Variants in DLG2 observed in about 807,000 individuals in gnomAD.
DLG2 encodes the protein discs large MAGUK scaffold protein 2.
Under a neutral mutation model 132.5 loss-of-function variants are expected in DLG2, and 45 were observed. The observed-to-expected ratio is 0.34, with a 90% confidence interval of 0.27 to 0.44. The LOEUF is 0.44. Among genes scored for constraint, DLG2 ranks in the 20% least tolerant of loss-of-function variants. The pLI is 1.00. For synonymous variants in DLG2, 424 were observed against 419.6 expected (o/e 1.01, Z -0.13); for missense variants, 1,045 against 1,196.9 (o/e 0.87, Z 1.87).
At chr11:83,527,526 CAG>C (rs768604203) in intron 21 of DLG2, among the ~76,000 whole-genome samples, 2 of 151,650 alleles carry the variant, frequency 1.3e-5, no homozygotes, top group African/African-American at 2.4e-5. Flanking sequence ...GCCTGGGCAA[CAG>C]AGAGAGACCT....
chr11:83,850,828 T>A (rs558565752), intron 16 of DLG2, among the ~76,000 whole-genome samples: 1 of 152,276 alleles, frequency 6.6e-6, no homozygotes, highest in African/African-American at 2.4e-5. Flanking sequence ...GAGCTCTCTG[T>A]CCCTGAAAAG....
At chr11:84,459,083 C>CT (rs199607573) in intron 7 of DLG2, among the ~76,000 whole-genome samples, 20 of 149,744 alleles carry the variant, frequency 1.3e-4, no homozygotes, top group East Asian at 9.8e-4. Context: ...CTTAACTACT[C>CT]TTTTTTTTTG....
chr11:85,116,934 A>G (rs2073682085), intron 5 of DLG2, among the ~76,000 whole-genome samples: 1 of 152,038 alleles, frequency 6.6e-6, no homozygotes, highest in South Asian at 2.1e-4. Flanking sequence ...AGCAAAAGAA[A>G]CTTCAATGGG....
chr11:85,299,337 A>G (rs1196172162), intron 3 of DLG2, among the ~76,000 whole-genome samples: 2 of 152,134 alleles, frequency 1.3e-5, no homozygotes, highest in Admixed American at 6.5e-5. Context: ...CTGACTCTTT[A>G]TGTCTGGAGT....
At chr11:83,516,270 C>A (rs370985053) in intron 21 of DLG2, among the ~76,000 whole-genome samples, 8 of 152,082 alleles carry the variant, frequency 5.3e-5, no homozygotes, top group African/African-American at 1.9e-4. Flanking sequence ...ATCCCTTTAC[C>A]ATTATGTAAT....
intron 6 of DLG2, among the ~76,000 whole-genome samples, chr11:84,596,585 T>C (rs1486316411): frequency 6.6e-6 from 1 of 151,898 alleles, no homozygotes; most frequent in Non-Finnish European, 1.5e-5. Flanking sequence ...CTCAAGGTAA[T>C]GAAGGCATTT....
intron 9 of DLG2, among the ~76,000 whole-genome samples, chr11:84,150,075 G>C (rs1212334681): frequency 6.6e-6 from 1 of 152,004 alleles, no homozygotes; most frequent in African/African-American, 2.4e-5. Flanking sequence ...TTTTAGATTA[G>C]TATTTTCTTA....
chr11:83,572,018 A>G (rs2143833239), intron 19 of DLG2, among the ~76,000 whole-genome samples: 3 of 152,274 alleles, frequency 2.0e-5, no homozygotes, highest in Middle Eastern at 6.8e-3. Context: ...TATTATATAT[A>G]AAGATACAAA....
chr11:83,883,245 CCA>C lies in DLG2; in HGVS notation c.1497-8759_1497-8758del, dbSNP rs1184624210. 3.3e-5 allele frequency among the ~76,000 whole-genome samples: 5 copies of C among 152,182 alleles called. No individual in the cohort carries two copies. The South Asian group carries it at 1.0e-3, about 32-fold the overall frequency. On this transcript the variant is annotated intron_variant, in intron 15 of 27. Coordinates refer to ENST00000376104, the MANE Select transcript of DLG2 (RefSeq NM_001142699.3). ...TTTTTCTGGAATTTTCAACGTCTGG[CCA>C]CAGTTTTGATGGTGTTATTTCCAAT...
chr11:84,586,956 A>C (rs189705927), intron 6 of DLG2, among the ~76,000 whole-genome samples: 2 of 152,348 alleles, frequency 1.3e-5, no homozygotes, highest in Admixed American at 1.3e-4. Context: ...TGGGTTTTCA[A>C]AGCTCATCAG....
chr11:84,008,585 G>T (rs1051041966), intron 11 of DLG2, among the ~76,000 whole-genome samples: 7 of 151,806 alleles, frequency 4.6e-5, no homozygotes, highest in Admixed American at 2.0e-4. Flanking sequence ...GAGAAGACTA[G>T]AGAGACAGAC....
intron 14 of DLG2, among the ~76,000 whole-genome samples, chr11:83,937,069 T>A (rs1448225136): frequency 1.3e-5 from 2 of 152,182 alleles, no homozygotes; most frequent in Non-Finnish European, 2.9e-5. Flanking sequence ...TATTGATTTT[T>A]AAAAAATTTT....
chr11:84,032,976 T>C (rs886985053), intron 11 of DLG2, among the ~76,000 whole-genome samples: 5 of 152,160 alleles, frequency 3.3e-5, no homozygotes, highest in African/African-American at 1.2e-4. Flanking sequence ...TGAGATGCAC[T>C]GGTCAGAAAA....
At chr11:85,405,494 G>C (rs1242603285) in intron 3 of DLG2, among the ~76,000 whole-genome samples, 1 of 151,962 alleles carries the variant, frequency 6.6e-6, no homozygotes, top group African/African-American at 2.4e-5. Context: ...TTTATAATGA[G>C]CACACACATG....
chr11:85,038,315 C>G (rs2061579948), intron 6 of DLG2, among the ~76,000 whole-genome samples: 1 of 151,824 alleles, frequency 6.6e-6, no homozygotes, highest in Admixed American at 6.6e-5. Context: ...TTTTTTTTCA[C>G]AGAAGGAATA....
At chr11:85,600,219 G>A (rs1433601590) in intron 2 of DLG2, among the ~76,000 whole-genome samples, 1 of 152,068 alleles carries the variant, frequency 6.6e-6, no homozygotes, top group Non-Finnish European at 1.5e-5. Flanking sequence ...CTCCTCTCTT[G>A]AGCACTGGAA....
chr11:84,845,436 A>G (rs954569000), intron 6 of DLG2, among the ~76,000 whole-genome samples: 1 of 152,096 alleles, frequency 6.6e-6, no homozygotes, highest in African/African-American at 2.4e-5. Flanking sequence ...AAAGACAATA[A>G]ACAAATAATG....
At chr11:84,513,208 T>G (rs2154514541) in intron 7 of DLG2, among the ~76,000 whole-genome samples, 1 of 152,068 alleles carries the variant, frequency 6.6e-6, no homozygotes, top group South Asian at 2.1e-4. Flanking sequence ...TGAAAAATAT[T>G]CCATGTGTAT....
intron 6 of DLG2, among the ~76,000 whole-genome samples, chr11:85,107,564 CCA>C (rs2071976074): frequency 6.6e-6 from 1 of 151,976 alleles, no homozygotes; most frequent in South Asian, 2.1e-4. Context: ...CCTAGTTCAC[CCA>C]GATTCAGAGA....
Sources: allele counts gnomAD v4.1 joint callset (sites outside exome capture counted in the v4.1 genomes callset), GRCh38; gene constraint gnomAD v4.1.1; transcripts MANE v1.5; gene names NCBI Gene and HGNC (gene_info 2026-07-23, HGNC 2026-07-21).